The following KIF27 variants were observed in gnomAD, a reference collection of about 807,000 sequenced individuals.
KIF27 encodes kinesin family member 27.
In KIF27, 84 loss-of-function variants were observed where a neutral mutation model predicts 141.8. The ratio of observed to expected loss-of-function variants is 0.59; its 90% CI spans 0.50 to 0.71. The LOEUF (loss-of-function observed/expected upper bound fraction) is 0.71, where lower values mean the gene tolerates loss of function less well. Ranked by LOEUF, KIF27 falls within the 30% of genes least tolerant of loss-of-function variation. KIF27 has a pLI of 0.00. For synonymous variants in KIF27, 471 were observed against 569.5 expected, an observed-to-expected ratio of 0.83 and a Z score of 2.46; for missense variants, 1,306 against 1,628.4, an observed-to-expected ratio of 0.80 and a Z score of 3.41.
chr9:83,910,747 G>A (rs1474193046), intron 2 of KIF27, among the ~76,000 whole-genome samples: 1 of 152,104 alleles, frequency 6.6e-6, no homozygotes, highest in Admixed American at 6.6e-5. Context: ...AACACAGACC[G>A]GTACCATAAC....
At chr9:83,851,635 C>T (rs956995773) in intron 15 of KIF27, among the ~76,000 whole-genome samples, 5 of 152,292 alleles carry the variant, frequency 3.3e-5, no homozygotes, top group Admixed American at 1.3e-4. Context: ...GGATTATAGG[C>T]GTGAGCCACC....
At chr9:83,863,855 C>T (rs1217043540) in intron 13 of KIF27, 1 of 152,110 alleles carries the variant, frequency 6.6e-6, no homozygotes, top group Non-Finnish European at 1.5e-5. Context: ...AATTTCAGAG[C>T]CTGTCATTGG....
chr9:83,913,883 C>T (rs1157148915), intron 2 of KIF27, among the ~76,000 whole-genome samples: 1 of 152,148 alleles, frequency 6.6e-6, no homozygotes, highest in Non-Finnish European at 1.5e-5. Flanking sequence ...GGAGCTGTCA[C>T]TTGTTTCATT....
At chr9:83,909,717 T>C (rs550839394) in intron 2 of KIF27, among the ~76,000 whole-genome samples, 1 of 151,364 alleles carries the variant, frequency 6.6e-6, no homozygotes, top group East Asian at 1.9e-4. Context: ...GTAGATATGG[T>C]AGAAATGTAT....
intron 5 of KIF27, among the ~76,000 whole-genome samples, chr9:83,895,321 G>A (rs1953090839): frequency 6.6e-6 from 1 of 150,670 alleles, no homozygotes; most frequent in Non-Finnish European, 1.5e-5. Context: ...GCAGAATAAG[G>A]AAGAAAAATC....
chr9:83,847,745 A>G (rs1040104668), intron 16 of KIF27: 42 of 152,158 alleles, frequency 2.8e-4, no homozygotes, highest in African/African-American at 9.9e-4. Context: ...GCAGAAAAAC[A>G]TAAGAAGGTG....
chr9:83,850,583 C>A (rs1448311673), intron 15 of KIF27, among the ~76,000 whole-genome samples: 5 of 151,746 alleles, frequency 3.3e-5, no homozygotes, highest in Admixed American at 3.3e-4. Context: ...GAGTTCGAGA[C>A]CAACCTGACC....
chr9:83,918,293 AAGAGAG>A (rs898601081), intron 1 of KIF27, among the ~76,000 whole-genome samples: 3 of 140,404 alleles, frequency 2.1e-5, no homozygotes, highest in Non-Finnish European at 3.1e-5. Flanking sequence ...ACTTGTCTCA[AAGAGAG>A]AGAGAAAGAG....
At position 83,837,354 on chromosome 9, in the gene KIF27, T is replaced by A; in HGVS notation, c.3853A>T (p.Ser1285Cys). Residue 1285 changes from serine (S) to cysteine (C), a missense_variant, in exon 18 of 18, where the codon AGC becomes TGC. By Grantham distance (112) the Ser-to-Cys change is moderately radical. Around this residue, in one of 4 missense-constraint regions of KIF27, gnomAD observed 148 missense variants for 250.9 expected, o/e 0.59. Transcript: ENST00000297814. ...TGAGGATTTGGCTGTGTTCTTAAGCTGCTTGCTGAACTGTCCATTTCTCTT... is the reference window on the plus strand; with the variant it reads ...TGAGGATTTGGCTGTGTTCTTAAGCAGCTTGCTGAACTGTCCATTTCTCTT... ...REREMDSSAS[S>C]LRTQPNPQKL... 6.2e-7 allele frequency: 1 copy of A among 1,610,486 alleles called. No individual in the cohort carries two copies. The highest frequency in any genetic ancestry group is 1.7e-5 in the Admixed American group (1 of 59,958).
At position 83,878,096 on chromosome 9, in the gene KIF27, G is replaced by A. The variant is rs530447484; in HGVS notation, c.2643+2201C>T. On this transcript the variant is annotated intron_variant, in intron 11 of 17. Coordinates refer to ENST00000297814, the MANE Select transcript of KIF27 (RefSeq NM_017576.4). ...GGAGAATGGCGTGAACTCAGGAGGCGGAGCTTGCAGTGAGCCGAGATCACG... is the reference window on the plus strand; with the variant it reads ...GGAGAATGGCGTGAACTCAGGAGGCAGAGCTTGCAGTGAGCCGAGATCACG... 6.1e-5 allele frequency among the ~76,000 whole-genome samples: 9 copies of A among 148,236 alleles called. No homozygotes were observed. The East Asian group carries it at 1.6e-3, about 26-fold the overall frequency.
intron 1 of KIF27, 27 bp from the exon 2 acceptor site, chr9:83,915,705 T>C: frequency 1.2e-5 from 12 of 1,009,972 alleles, no homozygotes; most frequent in South Asian, 1.8e-5. Flanking sequence ...AAAAGCAAAT[T>C]TTAATTACTG....
At position 83,898,382 on chromosome 9, in the gene KIF27, T is replaced by A. The variant is rs191823545; in HGVS notation, c.1602+1279A>T. Among the ~76,000 whole-genome samples the A allele has an allele frequency of 6.8e-3, 1,041 of 152,268 alleles. 16 individuals carry two copies. The highest frequency in any genetic ancestry group is 0.024 in the African/African-American group (999 of 41,544). ...GAATAAGCTATACTGAATAAATTAA[T>A]AAAAATTCCAAAAACTAAACTGTAG... is the stretch of plus-strand genomic sequence containing the variant. On this transcript the variant is annotated intron_variant, in intron 5 of 17. Transcript: ENST00000297814.
rs1952664933 is a variant in KIF27 at position 83,891,392 on chromosome 9, G to A, written c.1712C>T (p.Pro571Leu). 4 of 1,613,778 alleles carry A rather than the reference G, an allele frequency of 2.5e-6. No individual in the cohort carries two copies. The highest frequency in any genetic ancestry group is 3.4e-6 in the Non-Finnish European group (4 of 1,179,812). ...TCTCCTTTCAGGGATCCTGGCATCT[G>A]GCCCATCTCCACAATTTTCTTTAGC... ...SSAKENCGDG[P>L]DARIPERRPY... The change falls in exon 6 of 18, where the codon CCA becomes CTA. Residue 571 changes from proline to leucine, a missense_variant. Physicochemically the swap from Pro to Leu is moderately conservative, Grantham distance 98. Around this residue, in one of 4 missense-constraint regions of KIF27, gnomAD observed 596 missense variants for 751.6 expected, o/e 0.79. Transcript: ENST00000297814.
intron 17 of KIF27, among the ~76,000 whole-genome samples, chr9:83,839,106 G>C (rs918258188): frequency 1.3e-5 from 2 of 152,022 alleles, no homozygotes; most frequent in Non-Finnish European, 2.9e-5. Context: ...GCTACAGTGA[G>C]CCATGAATGT....
At chr9:83,859,001 G>C in intron 14 of KIF27, 155 bp downstream of exon 14, 1 of 648,516 alleles carries the variant, frequency 1.5e-6, no homozygotes, top group Non-Finnish European at 2.7e-6. Flanking sequence ...GTGGTTTATG[G>C]TGCCAAATAA....
rs866483495 is a variant in KIF27, at chr9:83,902,955, T to C, written c.1458+105A>G. On this transcript the variant is annotated intron_variant, in intron 4 of 17. Coordinates refer to ENST00000297814, the MANE Select transcript of KIF27 (RefSeq NM_017576.4). Reference sequence around the variant, plus strand: ...ATAAATTTAGTCCTTAAAAGAGTTATCCATAACAATGTCTAAATATGTTAA... The same window carrying C: ...ATAAATTTAGTCCTTAAAAGAGTTACCCATAACAATGTCTAAATATGTTAA... The C allele has an allele frequency of 5.5e-5, 35 of 636,854 alleles. 1 individual carries two copies. Among genetic ancestry groups the C allele is most frequent in the East Asian group, 4.9e-4 (17 of 35,010 alleles). 39.5% of individuals were successfully genotyped at this position (636,854 alleles called of 1,614,324 possible). A position where few individuals can be genotyped will look rare whatever the true frequency, so the allele number is the denominator to read the frequency against.
intron 16 of KIF27, among the ~76,000 whole-genome samples, chr9:83,844,347 GATATCTATATCT>G (rs201626105): frequency 6.7e-6 from 1 of 149,888 alleles, no homozygotes; most frequent in Admixed American, 6.6e-5. Flanking sequence ...TATTTATATA[GATATCTATATCT>G]ATATCTATAT....
At chr9:83,892,442 A>T (rs1952775674) in intron 5 of KIF27, among the ~76,000 whole-genome samples, 1 of 152,160 alleles carries the variant, frequency 6.6e-6, no homozygotes, top group South Asian at 2.1e-4. Flanking sequence ...AAAAAGAGTA[A>T]AACTATAACT....
intron 5 of KIF27, among the ~76,000 whole-genome samples, chr9:83,896,596 T>C (rs913978662): frequency 1.3e-5 from 2 of 152,176 alleles, no homozygotes; most frequent in African/African-American, 4.8e-5. Context: ...TGGAGAACAA[T>C]ACCATGCTTA....
Sources: allele counts gnomAD v4.1 joint callset (sites outside exome capture counted in the v4.1 genomes callset), GRCh38; gene constraint gnomAD v4.1.1; regional missense constraint gnomAD v4.1.1; transcripts MANE v1.5; gene names NCBI Gene and HGNC (gene_info 2026-07-23, HGNC 2026-07-21).